DAB1: variants seen among roughly 807,000 people sequenced by gnomAD.
DAB1 encodes DAB adaptor protein 1, also known as disabled homolog 1.
Under a neutral mutation model 64.6 loss-of-function variants are expected in DAB1, and 15 were observed. That is an observed-to-expected ratio of 0.23 (90% CI 0.16 to 0.36). The LOEUF is 0.36. Among genes scored for constraint, DAB1 ranks in the 10% least tolerant of loss-of-function variants. DAB1 has a pLI of 1.00. For synonymous variants in DAB1, 235 were observed against 251.9 expected, an observed-to-expected ratio of 0.93 and a Z score of 0.64; for missense variants, 596 against 706.7, an observed-to-expected ratio of 0.84 and a Z score of 1.78.
At chr1:57,724,667 C>T (rs1279621486) in intron 6 of DAB1, among the ~76,000 whole-genome samples, 1 of 152,116 alleles carries the variant, frequency 6.6e-6, no homozygotes, top group African/African-American at 2.4e-5. Context: ...GAGGCCTATT[C>T]TTTCTCTTTG....
intron 2 of DAB1, among the ~76,000 whole-genome samples, chr1:57,266,753 A>C (rs75676853): frequency 0.012 from 1,865 of 152,384 alleles, 18 homozygotes; most frequent in Non-Finnish European, 0.018. Flanking sequence ...TGATCAAAGA[A>C]ATGATGAGCA....
rs1677158370 is a variant in DAB1, at chr1:57,337,275, A to T, written c.-136-46109T>A. Among the ~76,000 whole-genome samples the T allele has an allele frequency of 2.0e-5, 3 of 152,190 alleles. No homozygotes were observed. In the South Asian group the frequency reaches 6.2e-4, roughly 32 times the overall value. On this transcript the variant is annotated intron_variant, in intron 1 of 14. Transcript: ENST00000371236. Reference sequence around the variant, plus strand: ...CCCAGATTCTTTTATGATATTATAAAGCTCTCTATGAACTTCCCACCTTAT... The same window carrying T: ...CCCAGATTCTTTTATGATATTATAATGCTCTCTATGAACTTCCCACCTTAT...
chr1:57,916,678 C>T (rs1187928385), intron 5 of DAB1, among the ~76,000 whole-genome samples: 1 of 152,204 alleles, frequency 6.6e-6, no homozygotes, highest in Non-Finnish European at 1.5e-5. Flanking sequence ...TGGCTCACGC[C>T]TGTAATCCCA....
chr1:57,975,435 T>C (rs1315317940), intron 5 of DAB1, among the ~76,000 whole-genome samples: 1 of 152,184 alleles, frequency 6.6e-6, no homozygotes, highest in Non-Finnish European at 1.5e-5. Flanking sequence ...GACAAATTCA[T>C]ATTCCAATTG....
intron 4 of DAB1, among the ~76,000 whole-genome samples, chr1:58,258,384 G>A (rs1660980637): frequency 6.6e-6 from 1 of 152,208 alleles, no homozygotes; most frequent in African/African-American, 2.4e-5. Flanking sequence ...GAGATATTTT[G>A]CAGGTCTAGC....
chr1:57,201,170 T>C (rs1302567716), intron 2 of DAB1, among the ~76,000 whole-genome samples: 2 of 152,220 alleles, frequency 1.3e-5, no homozygotes, highest in African/African-American at 4.8e-5. Flanking sequence ...CACCTTGCTA[T>C]AGGGTTTTTG....
chr1:57,480,271 T>TGGGC (rs1558420269), intron 7 of DAB1, among the ~76,000 whole-genome samples: 6 of 151,842 alleles, frequency 4.0e-5, no homozygotes, highest in African/African-American at 1.5e-4. Context: ...TACAAATGGG[T>TGGGC]ACCCAGGTTC....
intron 5 of DAB1, among the ~76,000 whole-genome samples, chr1:58,054,326 C>A (rs537421034): frequency 6.6e-6 from 1 of 152,202 alleles, no homozygotes; most frequent in Admixed American, 6.5e-5. Flanking sequence ...GTTCTTTCTA[C>A]TCCTCCATCT....
intron 5 of DAB1, among the ~76,000 whole-genome samples, chr1:57,918,491 T>G (rs1474947936): frequency 6.6e-6 from 1 of 152,086 alleles, no homozygotes; most frequent in Non-Finnish European, 1.5e-5. Flanking sequence ...ACTAATCCAG[T>G]CGTGCCATAG....
chr1:57,671,765 T>G (rs1183565215), intron 6 of DAB1, among the ~76,000 whole-genome samples: 2 of 152,072 alleles, frequency 1.3e-5, no homozygotes, highest in Non-Finnish European at 2.9e-5. Flanking sequence ...ACCTTCCCTG[T>G]ACAGCCTTCC....
At chr1:57,309,503 C>G (rs1252834449) in intron 1 of DAB1, among the ~76,000 whole-genome samples, 1 of 152,100 alleles carries the variant, frequency 6.6e-6, no homozygotes, top group Non-Finnish European at 1.5e-5. Context: ...AGAGGGAGCC[C>G]TTTGTACATA....
chr1:57,537,631 G>A (rs769329460), intron 7 of DAB1, among the ~76,000 whole-genome samples: 5 of 152,136 alleles, frequency 3.3e-5, no homozygotes, highest in Non-Finnish European at 7.3e-5. Flanking sequence ...CTTTACCCCA[G>A]TGCTTATCAT....
intron 4 of DAB1, among the ~76,000 whole-genome samples, chr1:58,341,105 A>G (rs1242738433): frequency 6.6e-6 from 1 of 151,674 alleles, no homozygotes; most frequent in Admixed American, 6.6e-5. Flanking sequence ...TTTATTGGAT[A>G]AAAACAATGT....
intron 12 of DAB1, among the ~76,000 whole-genome samples, chr1:57,013,731 CAG>C: frequency 6.6e-6 from 1 of 152,274 alleles, no homozygotes; most frequent in Middle Eastern, 3.4e-3. Flanking sequence ...TTCCTCTTAT[CAG>C]GTGTCAAGGC....
At chr1:57,887,244 G>A (rs11207126), upstream of DAB1, among the ~76,000 whole-genome samples, 2,378 of 152,178 alleles carry the variant, frequency 0.016, 58 homozygotes, top group African/African-American at 0.05. Flanking sequence ...TCATCTCATT[G>A]AGCCTATGCT....
intron 3 of DAB1, among the ~76,000 whole-genome samples, chr1:58,440,321 G>C (rs762014965): frequency 3.9e-5 from 6 of 152,208 alleles, no homozygotes; most frequent in African/African-American, 4.8e-5. Context: ...TGAGCTTACA[G>C]AGATGCCTAG....
At chr1:57,922,845 C>CAAAAAAAAAAGAAAAA (rs1644828165) in intron 5 of DAB1, among the ~76,000 whole-genome samples, 1 of 45,010 alleles carries the variant, frequency 2.2e-5, no homozygotes, top group African/African-American at 1.1e-4. Context: ...GACTCCATCT[C>CAAAAAAAAAAGAAAAA]AAAAAAAAAA....
At position 57,365,668 on chromosome 1, in the gene DAB1, G is replaced by A. The variant is rs374337611; in HGVS notation, c.-137+58262C>T. On this transcript the variant is annotated intron_variant, in intron 1 of 14. Transcript: ENST00000371236. Reference sequence around the variant, plus strand: ...GGCCATGATTCAAGTGAGGTCTCTCGGACCACAAAATCCGTGTACTATCCA... The same window carrying A: ...GGCCATGATTCAAGTGAGGTCTCTCAGACCACAAAATCCGTGTACTATCCA... 6.9e-4 allele frequency among the ~76,000 whole-genome samples: 105 copies of A among 151,976 alleles called. 1 individual carries two copies. In the South Asian group the frequency reaches 0.017, roughly 25 times the overall value.
At chr1:58,338,252 T>C (rs773616220) in intron 4 of DAB1, among the ~76,000 whole-genome samples, 3 of 152,184 alleles carry the variant, frequency 2.0e-5, no homozygotes, top group Non-Finnish European at 4.4e-5. Context: ...ACCTGAGAGC[T>C]GCTCCAGCTC....
Sources: gnomAD v4.1 joint callset for allele counts (sites outside exome capture counted in the v4.1 genomes callset) on GRCh38, gnomAD v4.1.1 for gene constraint, MANE v1.5 for transcripts, NCBI Gene and HGNC (gene_info 2026-07-23, HGNC 2026-07-21) for gene names.